SRD5A2: variants seen among roughly 807,000 people sequenced by gnomAD.
SRD5A2 encodes steroid 5 alpha-reductase 2.
A neutral mutation model predicts 27.4 loss-of-function variants in SRD5A2; 30 were observed. The observed-to-expected ratio is 1.10, with a 90% confidence interval of 0.82 to 1.49. The LOEUF (loss-of-function observed/expected upper bound fraction) is 1.49, where lower values mean the gene tolerates loss of function less well. Ranked by LOEUF, SRD5A2 falls within the 40% of genes most tolerant of loss-of-function variation. SRD5A2 has a pLI of 0.00. For missense variants in SRD5A2, 348 were observed against 323.4 expected, an observed-to-expected ratio of 1.08 and a Z score of -0.58; for synonymous variants, 141 against 133.6, an observed-to-expected ratio of 1.06 and a Z score of -0.38.
upstream of SRD5A2, among the ~76,000 whole-genome samples, chr2:31,582,691 T>C (rs1667102462): frequency 6.6e-6 from 1 of 152,168 alleles, no homozygotes; most frequent in Non-Finnish European, 1.5e-5. Flanking sequence ...TCCACTTACA[T>C]GTCCTTCAGA....
At chr2:31,548,552 T>A (rs1266147900) in intron 1 of SRD5A2, among the ~76,000 whole-genome samples, 1 of 152,020 alleles carries the variant, frequency 6.6e-6, no homozygotes, top group African/African-American at 2.4e-5. Context: ...ACCAAACCAA[T>A]TAAGATGGCT....
Position 31,533,613 on chromosome 2 carries a change from C to T in SRD5A2, c.435G>A (p.Arg145=). ...EYPDGWYTDI[R]FSLGVFLFIL... ...GGCAGATTCACTTACCCAAGCTAAA[C>T]CGTATGTCTGTGTACCACCCATCAG... The change falls in exon 2 of 5, where the codon CGG becomes CGA. Residue 145 remains arginine (R), a synonymous_variant. Coordinates refer to ENST00000622030, the MANE Select transcript of SRD5A2 (RefSeq NM_000348.4). 1 of 1,551,908 alleles carries T rather than the reference C, an allele frequency of 6.4e-7. No homozygotes were observed. The highest frequency in any genetic ancestry group is 8.7e-7 in the Non-Finnish European group (1 of 1,147,150).
At position 31,526,108 on chromosome 2, in the gene SRD5A2, ACTAT is replaced by A. The variant is rs1665774805; in HGVS notation, c.*84_*87del. ...AGACCTACTATTACATATATACGGG[ACTAT>A]TATATCATGAAAATTACAGTTTCAG... On this transcript the variant is annotated 3_prime_UTR_variant, in exon 5 of 5. Coordinates refer to ENST00000622030, the MANE Select transcript of SRD5A2 (RefSeq NM_000348.4). The A allele has an allele frequency of 2.0e-5, 16 of 812,062 alleles. No homozygotes were observed. The highest frequency in any genetic ancestry group is 1.3e-4 in the African/African-American group (6 of 46,602). 50.3% of individuals were successfully genotyped at this position (812,062 alleles called of 1,614,324 possible).
chr2:31,638,743 CTTT>C, the SRD5A2 span, among the ~76,000 whole-genome samples: 1 of 149,882 alleles, frequency 6.7e-6, no homozygotes, highest in South Asian at 2.1e-4. Flanking sequence ...TATTTCTTCT[CTTT>C]TTTTTTCAAG....
the SRD5A2 span, among the ~76,000 whole-genome samples, chr2:31,590,260 C>A: frequency 6.8e-6 from 1 of 147,800 alleles, no homozygotes; most frequent in Non-Finnish European, 1.5e-5. Context: ...ACCTGAGAAA[C>A]CCGAGTACTA....
chr2:31,526,614 C>T (rs1665789509), intron 4 of SRD5A2, among the ~76,000 whole-genome samples: 1 of 151,958 alleles, frequency 6.6e-6, no homozygotes, highest in Non-Finnish European at 1.5e-5. Context: ...GAAGGAGGTA[C>T]TTGTTTGGAT....
chr2:31,643,507 G>C, the SRD5A2 span, among the ~76,000 whole-genome samples: 5 of 151,858 alleles, frequency 3.3e-5, no homozygotes, highest in African/African-American at 4.8e-5. Flanking sequence ...TGTCTCCTGA[G>C]GGGGCATAGG....
intron 1 of SRD5A2, among the ~76,000 whole-genome samples, 189 bp from the exon 2 acceptor site, chr2:31,533,955 G>A (rs980180088): frequency 3.3e-5 from 5 of 152,010 alleles, no homozygotes; most frequent in African/African-American, 1.2e-4. Context: ...TACCTGAAAA[G>A]TACAACCACT....
the SRD5A2 span, among the ~76,000 whole-genome samples, chr2:31,622,531 C>T: frequency 6.6e-6 from 1 of 152,066 alleles, no homozygotes; most frequent in Non-Finnish European, 1.5e-5. Context: ...ACTTTTGAAG[C>T]ATTGTTTGTG....
chr2:31,574,689 G>A (rs988721872), intron 1 of SRD5A2, among the ~76,000 whole-genome samples: 1 of 152,134 alleles, frequency 6.6e-6, no homozygotes, highest in Non-Finnish European at 1.5e-5. Flanking sequence ...TTACTGCCAA[G>A]TCCCCACTTA....
At chr2:31,602,132 G>A in the SRD5A2 span, among the ~76,000 whole-genome samples, 1 of 152,142 alleles carries the variant, frequency 6.6e-6, no homozygotes, top group Non-Finnish European at 1.5e-5. Flanking sequence ...AACTTTGTTT[G>A]CAGATGACAT....
At chr2:31,590,958 T>C in the SRD5A2 span, among the ~76,000 whole-genome samples, 2 of 152,170 alleles carry the variant, frequency 1.3e-5, no homozygotes, top group African/African-American at 2.4e-5. Flanking sequence ...AAGACTTAAA[T>C]GTTAGACCTA....
the SRD5A2 span, among the ~76,000 whole-genome samples, chr2:31,600,671 C>T: frequency 6.6e-6 from 1 of 151,652 alleles, no homozygotes. Flanking sequence ...TCAAATAGTT[C>T]TGAAAAATAG....
the SRD5A2 span, among the ~76,000 whole-genome samples, chr2:31,654,079 A>C: frequency 6.6e-6 from 1 of 151,476 alleles, no homozygotes; most frequent in East Asian, 1.9e-4. Context: ...GAAGTAAAGA[A>C]AGTTAAAAAA....
the SRD5A2 span, among the ~76,000 whole-genome samples, chr2:31,600,781 C>A: frequency 6.6e-6 from 1 of 151,904 alleles, no homozygotes; most frequent in Non-Finnish European, 1.5e-5. Context: ...AAGCCAATAT[C>A]TCTAATGAAT....
chr2:31,536,253 C>T (rs1666025659), intron 1 of SRD5A2, among the ~76,000 whole-genome samples: 4 of 152,180 alleles, frequency 2.6e-5, no homozygotes, highest in Admixed American at 2.6e-4. Context: ...TTAATCAGGG[C>T]AGGCTCACTA....
chr2:31,612,086 G>A, the SRD5A2 span, among the ~76,000 whole-genome samples: 1 of 151,804 alleles, frequency 6.6e-6, no homozygotes, highest in African/African-American at 2.4e-5. Flanking sequence ...TAGACCAGCT[G>A]GGCCAATATG....
At chr2:31,637,993 T>C in the SRD5A2 span, among the ~76,000 whole-genome samples, 1 of 152,126 alleles carries the variant, frequency 6.6e-6, no homozygotes. Flanking sequence ...ATTCTTCCTT[T>C]TCTAGTTCAC....
chr2:31,531,212 T>G (rs1665899052), intron 3 of SRD5A2, among the ~76,000 whole-genome samples, 159 bp downstream of exon 3: 1 of 152,086 alleles, frequency 6.6e-6, no homozygotes, highest in Non-Finnish European at 1.5e-5. Context: ...AATGCAGAGG[T>G]ACTGTGATGG....
Sources: gnomAD v4.1 joint callset for allele counts (sites outside exome capture counted in the v4.1 genomes callset) on GRCh38, gnomAD v4.1.1 for gene constraint, MANE v1.5 for transcripts, NCBI Gene and HGNC (gene_info 2026-07-23, HGNC 2026-07-21) for gene names.